SSBP3: variants seen among roughly 807,000 people sequenced by gnomAD.
SSBP3 encodes the protein single-stranded DNA-binding protein 3.
Under a neutral mutation model 69.6 loss-of-function variants are expected in SSBP3, and 5 were observed. The observed-to-expected ratio is 0.07, with a 90% confidence interval of 0.04 to 0.15. The LOEUF is 0.15. Ranked by LOEUF, SSBP3 falls within the 10% of genes least tolerant of loss-of-function variation. The pLI, the probability that SSBP3 is intolerant of heterozygous loss-of-function variation, is 1.00. For missense variants in SSBP3, 312 were observed against 534.0 expected, an observed-to-expected ratio of 0.58 and a Z score of 4.10; for synonymous variants, 196 against 193.4, an observed-to-expected ratio of 1.01 and a Z score of -0.11.
At chr1:54,380,913 A>G (rs6664992) in intron 4 of SSBP3, among the ~76,000 whole-genome samples, 93,810 of 151,430 alleles carry the variant, frequency 0.62, 30,497 homozygotes, top group African/African-American at 0.81. Flanking sequence ...TTAAGGCCGG[A>G]AGTTTGAGAC....
chr1:54,339,782 G>A (rs986690621), intron 4 of SSBP3, among the ~76,000 whole-genome samples: 15 of 152,066 alleles, frequency 9.9e-5, no homozygotes, highest in African/African-American at 2.4e-4. Context: ...GCATGTTGGC[G>A]GGCGCCTGTA....
At chr1:54,390,934 C>T (rs1453128907) in intron 4 of SSBP3, among the ~76,000 whole-genome samples, 5 of 152,258 alleles carry the variant, frequency 3.3e-5, no homozygotes, top group Admixed American at 6.5e-5. Context: ...CGCACACGCC[C>T]GGCACCAGGC....
intron 1 of SSBP3, among the ~76,000 whole-genome samples, chr1:54,405,152 G>A (rs1284377266): frequency 1.3e-5 from 2 of 152,184 alleles, no homozygotes. Flanking sequence ...GGGATGGAGA[G>A]CAGCCCCCAA....
chr1:54,280,916 C>T (rs1421575140), intron 5 of SSBP3, among the ~76,000 whole-genome samples: 2 of 151,980 alleles, frequency 1.3e-5, no homozygotes, highest in Admixed American at 1.3e-4. Flanking sequence ...TGATCACACT[C>T]GGAAAAAATC....
Position 54,276,527 on chromosome 1 carries a change from C to CTTGAACCCG in SSBP3, c.366+4902_366+4910dup, listed in dbSNP as rs571705899. On this transcript the variant is annotated intron_variant, in intron 5 of 17. Coordinates refer to ENST00000610401, the Ensembl canonical transcript of SSBP3. ...TCAGGAGGCTTTGGCAGGAGAATCA[C>CTTGAACCCG]TTGAACCCGGGAGGCGGAGGTTGCA... 4.7e-5 allele frequency among the ~76,000 whole-genome samples: 7 copies of CTTGAACCCG among 148,286 alleles called. No individual in the cohort carries two copies. The South Asian group carries it at 1.5e-3, about 32-fold the overall frequency.
intron 5 of SSBP3, among the ~76,000 whole-genome samples, chr1:54,272,809 C>T (rs1285989398): frequency 6.6e-6 from 1 of 152,228 alleles, no homozygotes; most frequent in Non-Finnish European, 1.5e-5. Context: ...CCAGCCCAAG[C>T]TCTTAATAAG....
At chr1:54,344,062 C>T (rs565474175) in intron 4 of SSBP3, among the ~76,000 whole-genome samples, 14 of 152,160 alleles carry the variant, frequency 9.2e-5, no homozygotes, top group South Asian at 4.2e-4. Flanking sequence ...CCTGGGGGTG[C>T]GGGGCATGAT....
intron 4 of SSBP3, among the ~76,000 whole-genome samples, chr1:54,358,625 A>T (rs1237473554): frequency 6.6e-6 from 1 of 152,192 alleles, no homozygotes; most frequent in Non-Finnish European, 1.5e-5. Flanking sequence ...GAGGATGCCC[A>T]GTCTGACCTC....
rs541856121 is a variant in SSBP3, at chr1:54,281,201, A to C, written c.366+237T>G. On this transcript the variant is annotated intron_variant, in intron 5 of 17. Coordinates refer to ENST00000610401, the Ensembl canonical transcript of SSBP3. Reference sequence around the variant, plus strand: ...TACGAAGCTGGCATGAAGAAAGCAAACTCCAGCAGAAGTGCAGGCAATGCA... The same window carrying C: ...TACGAAGCTGGCATGAAGAAAGCAACCTCCAGCAGAAGTGCAGGCAATGCA... Among the ~76,000 whole-genome samples, 15 of 152,226 alleles carry C rather than the reference A, an allele frequency of 9.9e-5. No homozygotes were observed. In the South Asian group the frequency reaches 2.7e-3, roughly 27 times the overall value.
chr1:54,396,193 G>GGAAAAAAAAAAAA (rs1168912041), intron 4 of SSBP3, among the ~76,000 whole-genome samples: 1 of 40,564 alleles, frequency 2.5e-5, no homozygotes, highest in African/African-American at 9.6e-5. Context: ...CTCCATCTCA[G>GGAAAAAAAAAAAA]AAAAAAAAAA....
intron 7 of SSBP3, among the ~76,000 whole-genome samples, chr1:54,256,776 G>A (rs1644929655): frequency 6.6e-6 from 1 of 152,156 alleles, no homozygotes; most frequent in Non-Finnish European, 1.5e-5. Context: ...CATTAAGGAG[G>A]AAGACCCTCT....
At chr1:54,231,758 G>A (rs1332142527) in intron 14 of SSBP3, among the ~76,000 whole-genome samples, 3 of 152,152 alleles carry the variant, frequency 2.0e-5, no homozygotes, top group Non-Finnish European at 4.4e-5. Context: ...GCAGTGGCGT[G>A]ATCTTGGCTC....
At chr1:54,273,966 G>A (rs1371595705) in intron 5 of SSBP3, among the ~76,000 whole-genome samples, 3 of 152,236 alleles carry the variant, frequency 2.0e-5, no homozygotes, top group African/African-American at 7.2e-5. Flanking sequence ...CTTCTCAGCA[G>A]GGGTGACCCT....
chr1:54,389,136 T>G (rs1410170109), intron 4 of SSBP3, among the ~76,000 whole-genome samples: 2 of 152,216 alleles, frequency 1.3e-5, no homozygotes, highest in Admixed American at 6.5e-5. Flanking sequence ...TGTGCTCACG[T>G]TGGTTCCCCT....
At chr1:54,288,735 C>T (rs911698805) in intron 4 of SSBP3, among the ~76,000 whole-genome samples, 3 of 151,624 alleles carry the variant, frequency 2.0e-5, no homozygotes, top group Non-Finnish European at 4.4e-5. Flanking sequence ...TGTGCCTCCA[C>T]CTTTTATCTT....
intron 9 of SSBP3, among the ~76,000 whole-genome samples, chr1:54,245,923 C>T (rs993232525): frequency 1.3e-5 from 2 of 152,184 alleles, no homozygotes; most frequent in African/African-American, 2.4e-5. Context: ...TACAATAAAT[C>T]GTCACAATGA....
intron 9 of SSBP3, among the ~76,000 whole-genome samples, chr1:54,244,339 G>T (rs1338870756): frequency 6.7e-6 from 1 of 148,564 alleles, no homozygotes; most frequent in Non-Finnish European, 1.5e-5. Context: ...CCTTACCTCA[G>T]GATCCACCCA....
chr1:54,257,282 A>C, intron 6 of SSBP3, 96 bp from the exon 7 acceptor site: 1 of 1,105,410 alleles, frequency 9.0e-7, no homozygotes, highest in Admixed American at 3.6e-5. Context: ...TTTTGTTATA[A>C]CTAGTGATCT....
intron 4 of SSBP3, among the ~76,000 whole-genome samples, chr1:54,301,567 C>T (rs1557511350): frequency 2.0e-5 from 3 of 152,232 alleles, no homozygotes; most frequent in African/African-American, 7.2e-5. Flanking sequence ...CTCCCTCCCA[C>T]GCGGGGACCC....
Sources: allele counts gnomAD v4.1 joint callset (sites outside exome capture counted in the v4.1 genomes callset), GRCh38; gene constraint gnomAD v4.1.1; transcripts MANE v1.5; gene names NCBI Gene and HGNC (gene_info 2026-07-23, HGNC 2026-07-21).